The following CDC14A variants were observed in gnomAD, a reference collection of about 807,000 sequenced individuals.
CDC14A encodes dual specificity protein phosphatase CDC14A.
Under a neutral mutation model 74.4 loss-of-function variants are expected in CDC14A, and 53 were observed. That is an observed-to-expected ratio of 0.71 (90% CI 0.57 to 0.89). The LOEUF (loss-of-function observed/expected upper bound fraction) is 0.89. Ranked by LOEUF, CDC14A falls within the 40% of genes least tolerant of loss-of-function variation. The pLI is 0.00. For missense variants in CDC14A, 646 were observed against 713.7 expected (o/e 0.91, Z 1.08); for synonymous variants, 247 against 258.4 (o/e 0.96, Z 0.43).
intron 4 of CDC14A, among the ~76,000 whole-genome samples, chr1:100,412,770 A>ATATATATATATATTTTATATATATATAT (rs1661036156): frequency 1.0e-5 from 1 of 95,694 alleles, no homozygotes; most frequent in Admixed American, 1.1e-4. Flanking sequence ...TATATATATT[A>ATATATATATATATTTTATATATATATAT]TATATATATA....
At chr1:100,474,221 T>C (rs558035) in intron 10 of CDC14A, among the ~76,000 whole-genome samples, 79,095 of 151,986 alleles carry the variant, frequency 0.52, 21,843 homozygotes, top group Non-Finnish European at 0.61. Context: ...TGTGTAATTC[T>C]TTTTATATAT....
At position 100,395,415 on chromosome 1, in the gene CDC14A, CAA is replaced by C. The variant is rs1658333134; in HGVS notation, c.309+4594_309+4595del. On this transcript the variant is annotated intron_variant, in intron 4 of 15. Transcript: ENST00000336454. ...GACTACCATCAGTGACTTGCTAAAT[CAA>C]AAGAGTAGTCATTTTGATTTCTTTT... Among the ~76,000 whole-genome samples the C allele has an allele frequency of 2.0e-5, 3 of 152,172 alleles. No individual in the cohort carries two copies. In the South Asian group the frequency reaches 6.2e-4, roughly 31 times the overall value.
Position 100,358,996 on chromosome 1 carries a change from A to G in CDC14A, c.140+5144A>G, listed in dbSNP as rs140014767. Among the ~76,000 whole-genome samples, 233 of 152,364 alleles carry G rather than the reference A, an allele frequency of 1.5e-3. 1 individual carries two copies. Among genetic ancestry groups the G allele is most frequent in the African/African-American group, 5.5e-3 (228 of 41,584 alleles). ...AAGGTTGAATGCCACTTAAGCATAT[A>G]CACACATACACATATATATGATCTG... is the stretch of plus-strand genomic sequence containing the variant. On this transcript the variant is annotated intron_variant, in intron 2 of 15. Transcript: ENST00000336454.
At chr1:100,405,637 T>G (rs772051744) in intron 4 of CDC14A, among the ~76,000 whole-genome samples, 8 of 152,210 alleles carry the variant, frequency 5.3e-5, no homozygotes, top group Non-Finnish European at 2.9e-5. Context: ...GTGTTTGGTT[T>G]TTTGCTCCTG....
At chr1:100,352,494 A>G, upstream of CDC14A, 3 of 1,029,944 alleles carry the variant, frequency 2.9e-6, no homozygotes, top group Non-Finnish European at 3.5e-6. Context: ...GAGGTGGCGA[A>G]GGAGGATCCG....
intron 4 of CDC14A, among the ~76,000 whole-genome samples, chr1:100,394,743 G>A (rs185070373): frequency 3.9e-5 from 6 of 152,162 alleles, no homozygotes; most frequent in African/African-American, 1.2e-4. Context: ...TTTTGTAACT[G>A]TATTCCCCAG....
chr1:100,400,363 G>C (rs536597927), intron 4 of CDC14A, among the ~76,000 whole-genome samples: 1 of 151,922 alleles, frequency 6.6e-6, no homozygotes, highest in Non-Finnish European at 1.5e-5. Flanking sequence ...TCAAAAAGTT[G>C]GTTCAAAATA....
At chr1:100,396,812 A>G (rs1020155847) in intron 4 of CDC14A, among the ~76,000 whole-genome samples, 12 of 152,240 alleles carry the variant, frequency 7.9e-5, no homozygotes, top group African/African-American at 2.9e-4. Context: ...ATCTTGTGGC[A>G]CTTTTGGTTT....
intron 15 of CDC14A, among the ~76,000 whole-genome samples, chr1:100,509,045 T>A (rs1649482210): frequency 6.6e-6 from 1 of 152,116 alleles, no homozygotes; most frequent in Non-Finnish European, 1.5e-5. Context: ...CAAACTCATA[T>A]CCCTCCACTC....
At chr1:100,495,540 T>C (rs889973672) in intron 12 of CDC14A, among the ~76,000 whole-genome samples, 9 of 152,182 alleles carry the variant, frequency 5.9e-5, no homozygotes, top group African/African-American at 1.9e-4. Context: ...TTTGTAAATA[T>C]CATCATTTTT....
chr1:100,512,680 A>C (rs996743670), intron 15 of CDC14A, among the ~76,000 whole-genome samples: 6 of 152,216 alleles, frequency 3.9e-5, no homozygotes, highest in African/African-American at 1.4e-4. Context: ...ATCTATTAAA[A>C]ATCATGTAGG....
chr1:100,516,554 C>T (rs1650244637), intron 15 of CDC14A, among the ~76,000 whole-genome samples: 1 of 151,742 alleles, frequency 6.6e-6, no homozygotes, highest in Non-Finnish European at 1.5e-5. Context: ...AGCTGAGCTA[C>T]ACACACACAC....
At position 100,511,188 on chromosome 1, in the gene CDC14A, A is replaced by C. The variant is rs1436412530; in HGVS notation, c.1756-7063A>C. ...TCCGTTTGCAGGTCTCCTCAACTGC[A>C]AATGTGCACATCCAAGTTGGTAGGC... On this transcript the variant is annotated intron_variant, in intron 15 of 15. Transcript: ENST00000336454. Among the ~76,000 whole-genome samples, 3 of 152,334 alleles carry C rather than the reference A, an allele frequency of 2.0e-5. No homozygotes were observed. The East Asian group carries it at 5.8e-4, about 29-fold the overall frequency.
intron 6 of CDC14A, 150 bp from the exon 7 acceptor site, chr1:100,442,784 A>G (rs1665107438): frequency 3.3e-6 from 2 of 613,010 alleles, no homozygotes; most frequent in South Asian, 1.9e-5. Flanking sequence ...CCAGTTTTAT[A>G]AAAAGATTTC....
intron 5 of CDC14A, among the ~76,000 whole-genome samples, chr1:100,434,383 C>G (rs1006390116): frequency 6.6e-6 from 1 of 152,094 alleles, no homozygotes; most frequent in Non-Finnish European, 1.5e-5. Context: ...GGGCCAGATA[C>G]CCCCAGGCCT....
At chr1:100,410,930 G>A (rs924957085) in intron 4 of CDC14A, among the ~76,000 whole-genome samples, 2 of 152,210 alleles carry the variant, frequency 1.3e-5, no homozygotes, top group Non-Finnish European at 2.9e-5. Flanking sequence ...GGATGAGATT[G>A]GAGGTCTCTG....
intron 4 of CDC14A, among the ~76,000 whole-genome samples, chr1:100,420,053 C>CAATATATATATATATAT (rs1420823843): frequency 5.4e-5 from 1 of 18,394 alleles, no homozygotes; most frequent in East Asian, 1.8e-3. Context: ...CACACACACA[C>CAATATATATATATATAT]ACACACACAC....
intron 7 of CDC14A, among the ~76,000 whole-genome samples, 195 bp from the exon 8 acceptor site, chr1:100,455,210 A>G (rs1338013414): frequency 6.6e-6 from 1 of 152,222 alleles, no homozygotes; most frequent in Non-Finnish European, 1.5e-5. Flanking sequence ...TCTAGACACA[A>G]GTTTTTCTAA....
At chr1:100,393,412 C>A (rs1259717376) in intron 4 of CDC14A, 4 of 805,064 alleles carry the variant, frequency 5.0e-6, no homozygotes. Context: ...GCAGTAATGC[C>A]ATTTTTTTGA....
Sources: gnomAD v4.1 joint callset for allele counts (sites outside exome capture counted in the v4.1 genomes callset) on GRCh38, gnomAD v4.1.1 for gene constraint, MANE v1.5 for transcripts, NCBI Gene and HGNC (gene_info 2026-07-23, HGNC 2026-07-21) for gene names.